The following BLTP2 variants were observed in gnomAD, a reference collection of about 807,000 sequenced individuals.
BLTP2 encodes U937-associated antigen.
the BLTP2 span, chr17:28,632,932 C>T: frequency 6.6e-7 from 1 of 1,511,904 alleles, no homozygotes; most frequent in South Asian, 1.3e-5. Context: ...GCCCCAGGCC[C>T]AAGCCTCACT....
the BLTP2 span, among the ~76,000 whole-genome samples, chr17:28,625,353 A>AAAAAAAAAAAAG: frequency 6.7e-6 from 1 of 148,918 alleles, no homozygotes; most frequent in South Asian, 2.1e-4. Context: ...AAAAAAAAAA[A>AAAAAAAAAAAAG]AAAAAGAAAA....
At chr17:28,633,933 C>CCCA in the BLTP2 span, 1 of 1,614,138 alleles carries the variant, frequency 6.2e-7, no homozygotes, top group Non-Finnish European at 8.5e-7. Flanking sequence ...GGGCATGTTC[C>CCCA]TCTCCACTGC....
chr17:28,633,921 G>C, the BLTP2 span: 1 of 1,614,140 alleles, frequency 6.2e-7, no homozygotes, highest in Non-Finnish European at 8.5e-7. Flanking sequence ...GAATTTGAGT[G>C]GGGGCATGTT....
the BLTP2 span, chr17:28,631,625 C>A: frequency 6.8e-6 from 11 of 1,614,108 alleles, no homozygotes; most frequent in Non-Finnish European, 7.6e-6. Flanking sequence ...TGACTTAGGT[C>A]ACTCACCATC....
At chr17:28,621,429 C>T in the BLTP2 span, 3 of 1,614,150 alleles carry the variant, frequency 1.9e-6, no homozygotes, top group Non-Finnish European at 2.5e-6. Context: ...CCGCCCACTG[C>T]CTGCCCACTC....
the BLTP2 span, chr17:28,620,859 G>A: frequency 9.9e-7 from 1 of 1,013,048 alleles, no homozygotes; most frequent in Non-Finnish European, 1.5e-6. Context: ...AAAAAGTAGA[G>A]CAAAGTGAAA....
At chr17:28,637,440 G>A in the BLTP2 span, among the ~76,000 whole-genome samples, 1 of 152,130 alleles carries the variant, frequency 6.6e-6, no homozygotes, top group Non-Finnish European at 1.5e-5. Flanking sequence ...AAAGTTATAT[G>A]GATCTCTCTT....
chr17:28,645,105 C>T, the BLTP2 span: 65 of 1,529,606 alleles, frequency 4.2e-5, 1 homozygote, highest in East Asian at 9.2e-4. Context: ...CCATGCCGGG[C>T]CCCGACGCCG....
chr17:28,638,367 G>A, the BLTP2 span: 1 of 1,614,186 alleles, frequency 6.2e-7, no homozygotes, highest in South Asian at 1.1e-5. Flanking sequence ...GTGGTCCACA[G>A]TTAGGACGCC....
the BLTP2 span, among the ~76,000 whole-genome samples, chr17:28,628,748 C>T: frequency 6.6e-6 from 1 of 152,028 alleles, no homozygotes; most frequent in Non-Finnish European, 1.5e-5. Context: ...GCCTGGCCAA[C>T]CTGGTGAAAC....
chr17:28,617,166 G>A, the BLTP2 span: 7 of 1,374,106 alleles, frequency 5.1e-6, no homozygotes, highest in Non-Finnish European at 6.2e-6. Context: ...TTATACTGAA[G>A]GGCCGTTATA....
chr17:28,638,226 C>T, the BLTP2 span: 1 of 1,606,744 alleles, frequency 6.2e-7, no homozygotes, highest in Non-Finnish European at 8.5e-7. Context: ...CTGTGCAGGC[C>T]CCTATTCACC....
At chr17:28,644,161 T>G in the BLTP2 span, 1 of 1,613,966 alleles carries the variant, frequency 6.2e-7, no homozygotes, top group South Asian at 1.1e-5. Context: ...CTGACACCAC[T>G]TGGTGGCCAA....
the BLTP2 span, chr17:28,619,535 C>A: frequency 1.7e-6 from 2 of 1,210,994 alleles, no homozygotes; most frequent in South Asian, 1.4e-5. Flanking sequence ...TCTGAACCTA[C>A]TCCTACATCA....
chr17:28,637,992 C>T, the BLTP2 span: 8 of 1,614,096 alleles, frequency 5.0e-6, no homozygotes, highest in African/African-American at 2.7e-5. Context: ...AGACATTGGG[C>T]ACAGGTATCT....
chr17:28,645,005 C>A, the BLTP2 span: 1 of 1,592,200 alleles, frequency 6.3e-7, no homozygotes, highest in South Asian at 1.1e-5. Flanking sequence ...AGAAAGAGGG[C>A]GCTAAGCGCA....
At chr17:28,637,845 C>G in the BLTP2 span, 4 of 1,613,668 alleles carry the variant, frequency 2.5e-6, no homozygotes, top group Admixed American at 1.7e-5. Context: ...CCAACCAAGG[C>G]AGAAAGGGTA....
At chr17:28,638,202 C>T in the BLTP2 span, 1 of 1,600,448 alleles carries the variant, frequency 6.2e-7, no homozygotes, top group Admixed American at 1.7e-5. Flanking sequence ...TGACGCATGA[C>T]AGGATGAGGA....
the BLTP2 span, chr17:28,634,513 T>C: frequency 6.2e-7 from 1 of 1,609,026 alleles, no homozygotes; most frequent in South Asian, 1.1e-5. Context: ...GAAACACTAC[T>C]TACCCAGAAA....
Sources: allele counts gnomAD v4.1 joint callset (sites outside exome capture counted in the v4.1 genomes callset), GRCh38; gene constraint gnomAD v4.1.1; transcripts MANE v1.5; gene names NCBI Gene and HGNC (gene_info 2026-07-23, HGNC 2026-07-21).